The following SLIT2 variants were observed in gnomAD, a reference collection of about 807,000 sequenced individuals.
The protein encoded by SLIT2 is slit guidance ligand 2.
In SLIT2, 41 loss-of-function variants were observed where a neutral mutation model predicts 185.7. The ratio of observed to expected loss-of-function variants is 0.22; its 90% CI spans 0.17 to 0.29. SLIT2 has a LOEUF of 0.29. Among genes scored for constraint, SLIT2 ranks in the 10% least tolerant of loss-of-function variants. The pLI is 1.00. For synonymous variants in SLIT2, 693 were observed against 680.2 expected (o/e 1.02, Z -0.29); for missense variants, 1,571 against 1,909.0 (o/e 0.82, Z 3.30).
intron 11 of SLIT2, among the ~76,000 whole-genome samples, chr4:20,518,256 T>TA (rs200572190): frequency 0.38 from 41,982 of 109,238 alleles, 8,909 homozygotes; most frequent in East Asian, 0.56. Flanking sequence ...TATATATATA[T>TA]TTTTTTTTTT....
chr4:20,369,873 A>G lies in SLIT2; in HGVS notation c.396-97879A>G, dbSNP rs148204167. Among the ~76,000 whole-genome samples, 141 of 152,214 alleles carry G rather than the reference A, an allele frequency of 9.3e-4. 1 individual carries two copies. Among genetic ancestry groups the G allele is most frequent in the African/African-American group, 3.2e-3 (131 of 41,536 alleles). ...GTCTTTGATATCTTCTTAGAGACTCATGTATCATTTTCAAGCTACCTTTCT... is the reference window on the plus strand; with the variant it reads ...GTCTTTGATATCTTCTTAGAGACTCGTGTATCATTTTCAAGCTACCTTTCT... On this transcript the variant is annotated intron_variant, in intron 4 of 36. Transcript: ENST00000504154.
In SLIT2 at chr4:20,580,732, G is replaced by A. The variant is rs149792205; in HGVS notation, c.3089-8912G>A. Among the ~76,000 whole-genome samples the A allele has an allele frequency of 2.7e-3, 403 of 151,550 alleles. 10 individuals carry two copies. The South Asian group carries it at 0.061, about 23-fold the overall frequency. ...CACAGTGCTTTGCAGAGAGACATCT[G>A]GCCACAGCAGCAAATGTAGAGCTAA... is the stretch of plus-strand genomic sequence containing the variant. On this transcript the variant is annotated intron_variant, in intron 29 of 36. Transcript: ENST00000504154.
intron 4 of SLIT2, among the ~76,000 whole-genome samples, chr4:20,403,181 T>C (rs1577586293): frequency 6.6e-6 from 1 of 151,972 alleles, no homozygotes; most frequent in Admixed American, 6.6e-5. Context: ...TTTTTTTAAG[T>C]TGATTCAGAA....
In SLIT2 at chr4:20,474,692, GT is replaced by G. The variant is rs577594473; in HGVS notation, c.468-6023del. Among the ~76,000 whole-genome samples the G allele has an allele frequency of 3.3e-3, 506 of 152,026 alleles. 3 individuals are homozygous for G. The highest frequency in any genetic ancestry group is 0.012 in the African/African-American group (480 of 41,498). ...TTTTTTGCATCTTTAACACTGAACA[GT>G]ACACTTTCTCACCTCTGAACTCTTA... On this transcript the variant is annotated intron_variant, in intron 5 of 36. Transcript: ENST00000504154.
At chr4:20,569,213 C>T in intron 29 of SLIT2, 3 of 545,602 alleles carry the variant, frequency 5.5e-6, no homozygotes, top group East Asian at 3.2e-5. Flanking sequence ...CAAACATACG[C>T]ATCTATTATA....
chr4:20,457,025 A>G (rs1348691290), intron 4 of SLIT2, among the ~76,000 whole-genome samples: 1 of 152,174 alleles, frequency 6.6e-6, no homozygotes, highest in Non-Finnish European at 1.5e-5. Flanking sequence ...TTGCCAAAGT[A>G]TTAGATGACA....
At chr4:20,533,175 T>C (rs1262070644) in intron 17 of SLIT2, among the ~76,000 whole-genome samples, 2 of 152,256 alleles carry the variant, frequency 1.3e-5, no homozygotes, top group Non-Finnish European at 2.9e-5. Context: ...CTAACACATT[T>C]TAGCCCATCT....
At chr4:20,497,899 C>T (rs1420187212) in intron 9 of SLIT2, among the ~76,000 whole-genome samples, 3 of 152,058 alleles carry the variant, frequency 2.0e-5, no homozygotes, top group Admixed American at 6.5e-5. Context: ...AAAAAACGGG[C>T]GTGCTGGATC....
intron 4 of SLIT2, among the ~76,000 whole-genome samples, chr4:20,355,199 A>G (rs916681987): frequency 1.3e-4 from 20 of 152,204 alleles, no homozygotes; most frequent in Admixed American, 9.2e-4. Flanking sequence ...TTCAATGTGT[A>G]ATGCATTTCT....
Position 20,589,521 on chromosome 4 carries a change from T to G in SLIT2, c.3089-123T>G. Reference sequence around the variant, plus strand: ...CTTGTGGCTTTTGTTTTGGGTTTTTTGCTTTGTTTTGTTTTAAATCACAAG... The same window carrying G: ...CTTGTGGCTTTTGTTTTGGGTTTTTGGCTTTGTTTTGTTTTAAATCACAAG... On this transcript the variant is annotated intron_variant, in intron 29 of 36. Transcript: ENST00000504154. 7 of 731,360 alleles carry G rather than the reference T, an allele frequency of 9.6e-6. No individual in the cohort carries two copies. The South Asian group carries it at 1.2e-4, about 12-fold the overall frequency. The allele number at this position is 731,360 out of a possible 1,614,324, so 45.3% of individuals were successfully genotyped here.
At chr4:20,579,995 G>A (rs1488340334) in intron 29 of SLIT2, among the ~76,000 whole-genome samples, 2 of 140,764 alleles carry the variant, frequency 1.4e-5, no homozygotes, top group South Asian at 2.2e-4. Context: ...TATTTAATAT[G>A]TAATATATCA....
chr4:20,394,846 G>T (rs992924695), intron 4 of SLIT2: 1 of 152,014 alleles, frequency 6.6e-6, no homozygotes, highest in African/African-American at 2.4e-5. Context: ...AAACACTGAG[G>T]TCTAATACTA....
At chr4:20,569,675 A>G (rs1249456720) in intron 29 of SLIT2, among the ~76,000 whole-genome samples, 2 of 152,078 alleles carry the variant, frequency 1.3e-5, no homozygotes, top group African/African-American at 2.4e-5. Context: ...GCTCCGAATT[A>G]GAAACTTCAT....
intron 4 of SLIT2, among the ~76,000 whole-genome samples, chr4:20,310,820 G>T (rs1718040027): frequency 6.6e-6 from 1 of 152,188 alleles, no homozygotes; most frequent in African/African-American, 2.4e-5. Flanking sequence ...TTCTGAGAGA[G>T]TTTATCACAG....
chr4:20,337,996 A>G (rs1720647667), intron 4 of SLIT2, among the ~76,000 whole-genome samples: 1 of 152,206 alleles, frequency 6.6e-6, no homozygotes, highest in East Asian at 1.9e-4. Context: ...TTGTAAATCC[A>G]AGGAAAAGGA....
At chr4:20,271,534 A>G (rs1713613962) in intron 4 of SLIT2, among the ~76,000 whole-genome samples, 1 of 148,012 alleles carries the variant, frequency 6.8e-6, no homozygotes, top group Non-Finnish European at 1.5e-5. Flanking sequence ...CCTACTGTCT[A>G]ATGCAGTAGA....
At chr4:20,285,793 C>T (rs1247044261) in intron 4 of SLIT2, among the ~76,000 whole-genome samples, 1 of 152,206 alleles carries the variant, frequency 6.6e-6, no homozygotes, top group East Asian at 1.9e-4. Context: ...AGCAATCTAC[C>T]TGCTTCAACC....
At chr4:20,583,145 G>A (rs1455573365) in intron 29 of SLIT2, among the ~76,000 whole-genome samples, 1 of 152,164 alleles carries the variant, frequency 6.6e-6, no homozygotes, top group Non-Finnish European at 1.5e-5. Flanking sequence ...ACTTTACTTG[G>A]GAAATTACTG....
intron 4 of SLIT2, among the ~76,000 whole-genome samples, chr4:20,461,769 ATCC>A (rs1374970879): frequency 1.3e-5 from 2 of 152,200 alleles, no homozygotes; most frequent in African/African-American, 2.4e-5. Context: ...TGGATGGTGT[ATCC>A]TTAACTGAGA....
Sources: allele counts gnomAD v4.1 joint callset (sites outside exome capture counted in the v4.1 genomes callset), GRCh38; gene constraint gnomAD v4.1.1; transcripts MANE v1.5; gene names NCBI Gene and HGNC (gene_info 2026-07-23, HGNC 2026-07-21).